Variants in DLG2 observed in about 807,000 individuals in gnomAD.
DLG2 encodes discs large MAGUK scaffold protein 2.
In DLG2, 45 loss-of-function variants were observed where a neutral mutation model predicts 132.5. The observed-to-expected ratio is 0.34, with a 90% CI of 0.27 to 0.44. The LOEUF is 0.44. Among genes scored for constraint, DLG2 ranks in the 20% least tolerant of loss-of-function variants. DLG2 has a pLI of 1.00. For missense variants in DLG2, 1,045 were observed against 1,196.9 expected (o/e 0.87, Z 1.87); for synonymous variants, 424 against 419.6 (o/e 1.01, Z -0.13).
chr11:83,670,039 G>T (rs975032072), intron 18 of DLG2, among the ~76,000 whole-genome samples: 2 of 152,202 alleles, frequency 1.3e-5, no homozygotes, highest in Admixed American at 6.5e-5. Flanking sequence ...GAGCAGTGAT[G>T]TATACTGTGG....
chr11:83,478,770 T>C (rs548544053), intron 22 of DLG2, among the ~76,000 whole-genome samples: 2 of 152,120 alleles, frequency 1.3e-5, no homozygotes, highest in South Asian at 2.1e-4. Flanking sequence ...CACTTGAAAA[T>C]TGAAAACTGA....
At chr11:85,536,570 G>C (rs963195912) in intron 3 of DLG2, among the ~76,000 whole-genome samples, 1 of 152,238 alleles carries the variant, frequency 6.6e-6, no homozygotes, top group African/African-American at 2.4e-5. Context: ...CCCCTCTCTG[G>C]GGCTGGTTGA....
intron 8 of DLG2, among the ~76,000 whole-genome samples, chr11:84,211,603 A>T (rs1033493251): frequency 6.6e-6 from 1 of 152,178 alleles, no homozygotes; most frequent in Non-Finnish European, 1.5e-5. Context: ...TAATAAATGC[A>T]TGCCCACTTC....
intron 17 of DLG2, among the ~76,000 whole-genome samples, chr11:83,826,538 T>G (rs140884454): frequency 6.6e-6 from 1 of 152,152 alleles, no homozygotes; most frequent in Admixed American, 6.5e-5. Flanking sequence ...AGAGAGCAAA[T>G]GCCTGGAACA....
At chr11:84,994,390 C>T (rs748821903) in intron 6 of DLG2, among the ~76,000 whole-genome samples, 15 of 152,122 alleles carry the variant, frequency 9.9e-5, no homozygotes, top group African/African-American at 1.4e-4. Context: ...AATGGTGCTA[C>T]ATACACCACA....
chr11:85,404,736 G>C (rs1433900649), intron 3 of DLG2, among the ~76,000 whole-genome samples: 1 of 151,900 alleles, frequency 6.6e-6, no homozygotes, highest in African/African-American at 2.4e-5. Flanking sequence ...TTTGAATGTT[G>C]GTATTTATAG....
chr11:85,262,655 G>A (rs773543312), intron 4 of DLG2, among the ~76,000 whole-genome samples: 6 of 152,134 alleles, frequency 3.9e-5, no homozygotes, highest in Admixed American at 6.5e-5. Context: ...AGTTAACCAC[G>A]TCTATCTTTA....
intron 3 of DLG2, among the ~76,000 whole-genome samples, chr11:85,586,572 T>C (rs1361884657): frequency 6.6e-6 from 1 of 152,240 alleles, no homozygotes; most frequent in Non-Finnish European, 1.5e-5. Context: ...TCGTTTCTAA[T>C]TGAGCTCATT....
intron 6 of DLG2, among the ~76,000 whole-genome samples, chr11:84,709,584 C>T (rs868000372): frequency 1.1e-4 from 16 of 151,902 alleles, no homozygotes; most frequent in African/African-American, 2.9e-4. Flanking sequence ...ATGGTTCAGT[C>T]ACAATACTTT....
At chr11:85,420,689 G>A (rs1252846354) in intron 3 of DLG2, among the ~76,000 whole-genome samples, 1 of 152,230 alleles carries the variant, frequency 6.6e-6, no homozygotes, top group Non-Finnish European at 1.5e-5. Flanking sequence ...GCTGTGGTGG[G>A]CTCTGCCCAG....
At chr11:84,513,417 C>T (rs1014534389) in intron 7 of DLG2, among the ~76,000 whole-genome samples, 2 of 152,004 alleles carry the variant, frequency 1.3e-5, no homozygotes, top group African/African-American at 2.4e-5. Context: ...GGAGGAATCA[C>T]ATTACCCGAC....
At chr11:85,482,851 C>A (rs952275438) in intron 3 of DLG2, among the ~76,000 whole-genome samples, 2 of 152,148 alleles carry the variant, frequency 1.3e-5, no homozygotes, top group African/African-American at 4.8e-5. Context: ...CCAGTCTAGA[C>A]CTTACAGACT....
intron 6 of DLG2, among the ~76,000 whole-genome samples, chr11:84,764,176 CA>C (rs935139630): frequency 2.0e-5 from 3 of 152,058 alleles, no homozygotes; most frequent in African/African-American, 7.2e-5. Context: ...GAATGCTTTC[CA>C]AAACATGTTC....
chr11:83,627,390 TG>T (rs923751772), intron 19 of DLG2, among the ~76,000 whole-genome samples: 143 of 150,014 alleles, frequency 9.5e-4, no homozygotes, highest in African/African-American at 3.4e-3. Context: ...CAGTCTCTGG[TG>T]TGTGATGTTC....
chr11:83,831,828 C>T (rs1453128344), intron 17 of DLG2, among the ~76,000 whole-genome samples: 1 of 151,896 alleles, frequency 6.6e-6, no homozygotes, highest in East Asian at 1.9e-4. Context: ...AATGGATTTA[C>T]CCTATCATAC....
intron 6 of DLG2, among the ~76,000 whole-genome samples, chr11:84,568,700 G>T (rs1210635910): frequency 6.6e-6 from 1 of 152,082 alleles, no homozygotes; most frequent in Non-Finnish European, 1.5e-5. Context: ...TTCCAGAGAA[G>T]CAAAGGTGCT....
chr11:85,104,229 A>C (rs2071331583), intron 6 of DLG2, among the ~76,000 whole-genome samples: 1 of 151,976 alleles, frequency 6.6e-6, no homozygotes, highest in Non-Finnish European at 1.5e-5. Context: ...AAGAGAATTG[A>C]AAATACATGT....
chr11:84,564,746 C>T (rs2099444530), intron 6 of DLG2, among the ~76,000 whole-genome samples: 1 of 152,122 alleles, frequency 6.6e-6, no homozygotes, highest in African/African-American at 2.4e-5. Context: ...GAGTATGATT[C>T]AGTGATTTTC....
chr11:83,590,373 C>A (rs1020723571), intron 19 of DLG2, among the ~76,000 whole-genome samples: 4 of 152,092 alleles, frequency 2.6e-5, no homozygotes, highest in Non-Finnish European at 2.9e-5. Context: ...AACTGAACAA[C>A]CTGCTCCTGA....
Sources: allele counts gnomAD v4.1 joint callset (sites outside exome capture counted in the v4.1 genomes callset), GRCh38; gene constraint gnomAD v4.1.1; transcripts MANE v1.5; gene names NCBI Gene and HGNC (gene_info 2026-07-23, HGNC 2026-07-21).